Variants in FBXO11 observed in about 807,000 individuals in gnomAD.
FBXO11 encodes the protein F-box only protein 11.
FBXO11 carries 13 observed loss-of-function variants against 117.0 expected under a neutral mutation model. The observed-to-expected ratio is 0.11, with a 90% CI of 0.07 to 0.18. The LOEUF (loss-of-function observed/expected upper bound fraction) is 0.18, where lower values mean the gene tolerates loss of function less well. Ranked by LOEUF, FBXO11 falls within the 10% of genes least tolerant of loss-of-function variation. The pLI, the probability that FBXO11 is intolerant of heterozygous loss-of-function variation, is 1.00. For synonymous variants in FBXO11, 490 were observed against 380.5 expected (o/e 1.29, Z -3.35); for missense variants, 767 against 1,164.4 (o/e 0.66, Z 4.97).
chr2:47,868,116 T>A (rs1051538113), intron 1 of FBXO11, among the ~76,000 whole-genome samples: 2 of 152,072 alleles, frequency 1.3e-5, no homozygotes, highest in African/African-American at 2.4e-5. Context: ...CATGTCAGAA[T>A]TCAAGCCAGT....
At chr2:47,818,645 A>T in intron 16 of FBXO11, 134 bp downstream of exon 16, 2 of 656,042 alleles carry the variant, frequency 3.0e-6, no homozygotes, top group Non-Finnish European at 5.2e-6. Flanking sequence ...TTAAGTCAAG[A>T]TTATTTTAAG....
At chr2:47,884,640 G>C (rs763382028) in intron 1 of FBXO11, among the ~76,000 whole-genome samples, 2 of 152,188 alleles carry the variant, frequency 1.3e-5, no homozygotes, top group Non-Finnish European at 2.9e-5. Flanking sequence ...AAGAGACAGA[G>C]AATCTCAATG....
chr2:47,904,396 T>A (rs1678569483), intron 1 of FBXO11, among the ~76,000 whole-genome samples: 1 of 152,140 alleles, frequency 6.6e-6, no homozygotes, highest in Non-Finnish European at 1.5e-5. Flanking sequence ...CCCCCCCTCA[T>A]AAACCTCCCA....
intron 1 of FBXO11, among the ~76,000 whole-genome samples, chr2:47,863,757 A>C (rs912944649): frequency 2.6e-5 from 4 of 152,206 alleles, no homozygotes; most frequent in African/African-American, 9.6e-5. Context: ...CCTGGCTAAC[A>C]GGGTGGAACC....
At chr2:47,828,803 T>C (rs567425125) in intron 11 of FBXO11, among the ~76,000 whole-genome samples, 1 of 152,324 alleles carries the variant, frequency 6.6e-6, no homozygotes, top group South Asian at 2.1e-4. Context: ...GTTAGTACCT[T>C]AGACTTTCAA....
At chr2:47,846,947 G>A (rs2104921548) in intron 1 of FBXO11, among the ~76,000 whole-genome samples, 1 of 152,250 alleles carries the variant, frequency 6.6e-6, no homozygotes, top group Middle Eastern at 3.4e-3. Context: ...TTAAAGACAA[G>A]AATACGTTCT....
At chr2:47,884,698 T>A (rs1414899569) in intron 1 of FBXO11, among the ~76,000 whole-genome samples, 1 of 152,148 alleles carries the variant, frequency 6.6e-6, no homozygotes, top group Non-Finnish European at 1.5e-5. Flanking sequence ...CAGTGTAACT[T>A]CAGGTATTTT....
chr2:47,808,259 TG>T lies in FBXO11; in HGVS notation c.2655-13del, dbSNP rs1194699134. 1.2e-6 allele frequency: 2 copies of T among 1,612,546 alleles called. No homozygotes were observed. Among genetic ancestry groups the T allele is most frequent in the African/African-American group, 2.7e-5 (2 of 74,856 alleles). ...AGTCACAGAAAAACCTAAAGCAAAATGAAACCCAAATATTAGAAAAGTGAGG... is the reference window on the plus strand; with the variant it reads ...AGTCACAGAAAAACCTAAAGCAAAATAAACCCAAATATTAGAAAAGTGAGG... On this transcript the variant is annotated splice_polypyrimidine_tract_variant and intron_variant, in intron 22 of 22. Coordinates refer to ENST00000403359, the MANE Select transcript of FBXO11 (RefSeq NM_001190274.2).
chr2:47,847,382 C>T (rs2104924911), intron 1 of FBXO11, among the ~76,000 whole-genome samples: 1 of 152,224 alleles, frequency 6.6e-6, no homozygotes, highest in African/African-American at 2.4e-5. Context: ...TAAATAACTG[C>T]CTATCTAAAG....
intron 11 of FBXO11, among the ~76,000 whole-genome samples, chr2:47,831,266 A>C (rs1672162755): frequency 6.6e-6 from 1 of 151,666 alleles, no homozygotes; most frequent in South Asian, 2.1e-4. Flanking sequence ...AAAATACAAA[A>C]TTAGGCAGGC....
intron 1 of FBXO11, among the ~76,000 whole-genome samples, chr2:47,840,089 G>T (rs1460426530): frequency 6.6e-6 from 1 of 151,660 alleles, no homozygotes; most frequent in Non-Finnish European, 1.5e-5. Flanking sequence ...GACTACAGGC[G>T]CCCGCCACCA....
rs1399368111 is a variant in FBXO11 at position 47,905,935 on chromosome 2, C to T, written c.-215G>A. 1.4e-5 allele frequency: 7 copies of T among 500,144 alleles called. No homozygotes were observed. The highest frequency in any genetic ancestry group is 2.3e-5 in the Non-Finnish European group (7 of 301,730). 31.0% of individuals were successfully genotyped at this position (500,144 alleles called of 1,614,324 possible). A position where few individuals can be genotyped will look rare whatever the true frequency, so the allele number is the denominator to read the frequency against. ...CAGACGGAGACCGAGCGAGGCCGGC[C>T]GGGAGGGCCTGACGCACGGGGAAGG... On this transcript the variant is annotated 5_prime_UTR_variant, in exon 1 of 23. Coordinates refer to ENST00000403359, the MANE Select transcript of FBXO11 (RefSeq NM_001190274.2).
At chr2:47,855,285 C>T (rs116474379) in intron 1 of FBXO11, among the ~76,000 whole-genome samples, 5,152 of 151,812 alleles carry the variant, frequency 0.034, 271 homozygotes, top group African/African-American at 0.12. Context: ...ACTGCAGCCT[C>T]GACTTCTGGA....
rs894135097 is a variant in FBXO11, at chr2:47,807,258, G to A, written c.*860C>T. On this transcript the variant is annotated 3_prime_UTR_variant, in exon 23 of 23. Transcript: ENST00000403359. ...ACAGAGTTCAAATACAGGACTGTTT[G>A]TTTTGAAGAGACTTTCTAAAGTGTA... The A allele has an allele frequency of 4.4e-6, 1 of 226,098 alleles. No individual in the cohort carries two copies. The highest frequency in any genetic ancestry group is 8.8e-6 in the Non-Finnish European group (1 of 113,286). The allele number at this position is 226,098 out of a possible 1,614,324, so 14.0% of individuals were successfully genotyped here.
Position 47,827,540 on chromosome 2 carries a change from C to A in FBXO11, c.1399-4180G>T, listed in dbSNP as rs927765896. Among the ~76,000 whole-genome samples the A allele has an allele frequency of 3.9e-5, 6 of 152,128 alleles. 1 individual carries two copies. In the South Asian group the frequency reaches 1.2e-3, roughly 31 times the overall value. ...CAGGATGGTCTGGAACTCCTGACCT[C>A]AAGTGATCTGCTCGCCTCGGCTTCC... On this transcript the variant is annotated intron_variant, in intron 11 of 22. Transcript: ENST00000403359.
chr2:47,905,561 G>A lies in FBXO11; in HGVS notation c.160C>T (p.Gln54Ter). The A allele has an allele frequency of 1.6e-6, 2 of 1,252,754 alleles. No homozygotes were observed. Among genetic ancestry groups the A allele is most frequent in the Non-Finnish European group, 1.0e-6 (1 of 1,002,356 alleles). The allele number at this position is 1,252,754 out of a possible 1,614,324, so 77.6% of individuals were successfully genotyped here. Residue 54 changes from glutamine (Q) to a stop codon, truncating the protein, a stop_gained, in exon 1 of 23, where the codon CAG (glutamine) becomes TAG (stop). Coordinates refer to ENST00000403359, the MANE Select transcript of FBXO11 (RefSeq NM_001190274.2). LOFTEE classifies it high-confidence loss of function. ...QPPPPPQQQQ[Q>*]QQPPPPPPPP... Reference sequence around the variant, plus strand: ...GGTGGCGGCGGCGGAGGCTGCTGCTGCTGCTGCTGCTGCGGCGGCGGCGGA... The same window carrying A: ...GGTGGCGGCGGCGGAGGCTGCTGCTACTGCTGCTGCTGCGGCGGCGGCGGA...
chr2:47,835,930 T>A lies in FBXO11; in HGVS notation c.659A>T (p.Gln220Leu). 1 of 1,611,422 alleles carries A rather than the reference T, an allele frequency of 6.2e-7. No individual in the cohort carries two copies. The highest frequency in any genetic ancestry group is 1.1e-5 in the South Asian group (1 of 90,958). Residue 220 changes from glutamine to leucine, a missense_variant, in exon 5 of 23, where the codon CAG (glutamine) becomes CTG (leucine). Coordinates refer to ENST00000403359, the MANE Select transcript of FBXO11 (RefSeq NM_001190274.2). ...MMHPEPGKFY[Q>L]INPEEYEHPN... ...ATGTTCATACTCTTCTGGATTAATCTGGTAGAATTTTCCAGGTTCAGGATG... is the reference window on the plus strand; with the variant it reads ...ATGTTCATACTCTTCTGGATTAATCAGGTAGAATTTTCCAGGTTCAGGATG...
intron 1 of FBXO11, chr2:47,904,974 C>G (rs965451063): frequency 6.6e-6 from 1 of 152,108 alleles, no homozygotes; most frequent in Non-Finnish European, 1.5e-5. Context: ...ACAGACCACC[C>G]CGATTCCCCT....
chr2:47,862,641 T>G (rs964616353), intron 1 of FBXO11, among the ~76,000 whole-genome samples: 1 of 152,190 alleles, frequency 6.6e-6, no homozygotes, highest in South Asian at 2.1e-4. Context: ...ATATGCACAA[T>G]GTATAATTCT....
Sources: allele counts gnomAD v4.1 joint callset (sites outside exome capture counted in the v4.1 genomes callset), GRCh38; gene constraint gnomAD v4.1.1; transcripts MANE v1.5; gene names NCBI Gene and HGNC (gene_info 2026-07-23, HGNC 2026-07-21).